The following KCNIP4 variants were observed in gnomAD, a reference collection of about 807,000 sequenced individuals.
KCNIP4 encodes the protein potassium voltage-gated channel interacting protein 4, also known as Kv channel-interacting protein 4.
Under a neutral mutation model 34.0 loss-of-function variants are expected in KCNIP4, and 12 were observed. That is an observed-to-expected ratio of 0.35 (90% CI 0.23 to 0.57). The LOEUF (loss-of-function observed/expected upper bound fraction) is 0.57. KCNIP4 is among the 20% of genes least tolerant of loss of function. KCNIP4 has a pLI of 0.83. For missense variants in KCNIP4, 238 were observed against 311.7 expected, an observed-to-expected ratio of 0.76 and a Z score of 1.78; for synonymous variants, 124 against 102.2, an observed-to-expected ratio of 1.21 and a Z score of -1.29.
At chr4:20,846,751 C>T (rs185956380) in intron 3 of KCNIP4, among the ~76,000 whole-genome samples, 1 of 152,252 alleles carries the variant, frequency 6.6e-6, no homozygotes, top group Non-Finnish European at 1.5e-5. Flanking sequence ...TGATAGAGCT[C>T]ATCACTAATA....
chr4:21,670,185 C>T (rs1045323880), intron 1 of KCNIP4, among the ~76,000 whole-genome samples: 5 of 151,998 alleles, frequency 3.3e-5, no homozygotes, highest in African/African-American at 1.2e-4. Context: ...AACATGTTTC[C>T]TAATGATGAA....
At chr4:21,370,850 T>TATATACACACAC (rs1465544179) in intron 1 of KCNIP4, among the ~76,000 whole-genome samples, 1 of 14,844 alleles carries the variant, frequency 6.7e-5, no homozygotes, top group African/African-American at 3.0e-4. Context: ...TATATATATA[T>TATATACACACAC]ACACACACAC....
chr4:20,834,010 C>T (rs924806649), intron 3 of KCNIP4, among the ~76,000 whole-genome samples: 46 of 152,250 alleles, frequency 3.0e-4, no homozygotes, highest in Admixed American at 2.4e-3. Context: ...CTGCAGATCT[C>T]GGGATCCAAG....
intron 1 of KCNIP4, among the ~76,000 whole-genome samples, chr4:21,125,176 A>G (rs1017393815): frequency 7.1e-6 from 1 of 141,146 alleles, no homozygotes; most frequent in Non-Finnish European, 1.5e-5. Flanking sequence ...GGCTTTTTTT[A>G]TTTTATTTTG....
chr4:20,952,045 A>T (rs1732841941), intron 1 of KCNIP4, among the ~76,000 whole-genome samples: 1 of 152,228 alleles, frequency 6.6e-6, no homozygotes, highest in Admixed American at 6.5e-5. Flanking sequence ...ATATAAGTGA[A>T]ATATTTATAA....
intron 1 of KCNIP4, among the ~76,000 whole-genome samples, chr4:21,364,847 A>G (rs941128766): frequency 6.6e-6 from 1 of 152,188 alleles, no homozygotes; most frequent in Non-Finnish European, 1.5e-5. Flanking sequence ...GTTAGAGGCA[A>G]CTATCTTAGA....
In KCNIP4 at chr4:21,133,137, T is replaced by A. The variant is rs55772817; in HGVS notation, c.62-250428A>T. ...ACATGCTAAGATTTCCCTTCTTGAG[T>A]GATGCTGAAAGTAGGACAGAAGGAT... On this transcript the variant is annotated intron_variant, in intron 1 of 8. Coordinates refer to ENST00000382152, the MANE Select transcript of KCNIP4 (RefSeq NM_025221.6). Among the ~76,000 whole-genome samples the A allele has an allele frequency of 5.3e-3, 810 of 152,286 alleles. 5 individuals carry two copies. The highest frequency in any genetic ancestry group is 0.017 in the African/African-American group (710 of 41,560).
chr4:21,709,012 T>C (rs866849885), intron 1 of KCNIP4, among the ~76,000 whole-genome samples: 1 of 152,298 alleles, frequency 6.6e-6, no homozygotes, highest in South Asian at 2.1e-4. Context: ...TTTTATTACA[T>C]ATACTATTAG....
At chr4:21,521,478 C>A (rs1339710251) in intron 1 of KCNIP4, among the ~76,000 whole-genome samples, 1 of 152,046 alleles carries the variant, frequency 6.6e-6, no homozygotes, top group Non-Finnish European at 1.5e-5. Context: ...ACAAGAATAT[C>A]AAAAATAACA....
chr4:21,547,013 T>C (rs1031424534), intron 1 of KCNIP4, among the ~76,000 whole-genome samples: 1 of 152,148 alleles, frequency 6.6e-6, no homozygotes, highest in Non-Finnish European at 1.5e-5. Context: ...CGGAAAAAAA[T>C]ATTTCCTCAT....
chr4:21,053,689 A>G (rs1190609708), intron 1 of KCNIP4, among the ~76,000 whole-genome samples: 1 of 152,216 alleles, frequency 6.6e-6, no homozygotes, highest in African/African-American at 2.4e-5. Context: ...ATTAGTTTAT[A>G]AAAGTCAATC....
chr4:21,812,755 C>T (rs1348642729), intron 1 of KCNIP4, among the ~76,000 whole-genome samples: 4 of 152,170 alleles, frequency 2.6e-5, no homozygotes, highest in South Asian at 4.1e-4. Context: ...ATCCTGGGCT[C>T]TTACATAATG....
chr4:21,149,047 A>T (rs1752584805), intron 1 of KCNIP4, among the ~76,000 whole-genome samples: 1 of 152,180 alleles, frequency 6.6e-6, no homozygotes, highest in Admixed American at 6.5e-5. Context: ...TAAGTGTGCA[A>T]TCTATATAAT....
At chr4:21,729,306 A>T (rs1057407754) in intron 1 of KCNIP4, among the ~76,000 whole-genome samples, 6 of 152,210 alleles carry the variant, frequency 3.9e-5, no homozygotes, top group African/African-American at 9.6e-5. Context: ...ACACTTTTGC[A>T]TTCAGTTTAC....
chr4:20,777,714 G>A (rs1216614203), intron 3 of KCNIP4, among the ~76,000 whole-genome samples: 1 of 152,162 alleles, frequency 6.6e-6, no homozygotes, highest in African/African-American at 2.4e-5. Context: ...AGAAAAAGTG[G>A]AGGTTGTAGA....
chr4:21,789,798 C>T (rs1046803269), intron 1 of KCNIP4, among the ~76,000 whole-genome samples: 1 of 152,128 alleles, frequency 6.6e-6, no homozygotes, highest in Non-Finnish European at 1.5e-5. Context: ...GGAGGCAGAA[C>T]CTTATGTTAT....
chr4:21,629,489 A>T (rs780671695), intron 1 of KCNIP4, among the ~76,000 whole-genome samples: 1 of 152,182 alleles, frequency 6.6e-6, no homozygotes. Flanking sequence ...GCCCTGTTAG[A>T]GTCCAATTCA....
intron 1 of KCNIP4, among the ~76,000 whole-genome samples, chr4:20,975,639 C>T (rs1266782811): frequency 6.6e-6 from 1 of 152,126 alleles, no homozygotes; most frequent in Non-Finnish European, 1.5e-5. Flanking sequence ...ACCCCCATCC[C>T]CTCAATAGTA....
rs531753544 is a variant in KCNIP4 at position 21,665,741 on chromosome 4, G to T, written c.61+282830C>A. 1.1e-4 allele frequency among the ~76,000 whole-genome samples: 17 copies of T among 152,232 alleles called. No homozygotes were observed. The South Asian group carries it at 2.3e-3, about 20-fold the overall frequency. ...GATAGCATATCATAAGGGCGTATCA[G>T]GCATTTGGCAAAACTTGTGCTGGGG... On this transcript the variant is annotated intron_variant, in intron 1 of 8. Coordinates refer to ENST00000382152, the MANE Select transcript of KCNIP4 (RefSeq NM_025221.6).
Sources: allele counts gnomAD v4.1 joint callset (sites outside exome capture counted in the v4.1 genomes callset), GRCh38; gene constraint gnomAD v4.1.1; transcripts MANE v1.5; gene names NCBI Gene and HGNC (gene_info 2026-07-23, HGNC 2026-07-21).